Variants in TIAM1 observed in about 807,000 individuals in gnomAD.
TIAM1 encodes the protein TIAM Rac1 associated GEF 1.
In TIAM1, 65 loss-of-function variants were observed where a neutral mutation model predicts 163.5. The observed-to-expected ratio is 0.40, with a 90% CI of 0.33 to 0.49. The LOEUF (loss-of-function observed/expected upper bound fraction) is 0.49. Among genes scored for constraint, TIAM1 ranks in the 20% least tolerant of loss-of-function variants. The probability of loss-of-function intolerance (pLI) is 0.77; values close to 1 mark genes in which losing one functional copy is unlikely to be tolerated. For missense variants in TIAM1, 1,789 were observed against 2,044.7 expected (o/e 0.87, Z 2.41); for synonymous variants, 833 against 810.1 (o/e 1.03, Z -0.48).
chr21:31,320,245 C>T (rs1230780713), intron 2 of TIAM1, among the ~76,000 whole-genome samples: 2 of 152,012 alleles, frequency 1.3e-5, no homozygotes, highest in Admixed American at 1.3e-4. Context: ...GACGAGGTAC[C>T]TGGAATAGGC....
At chr21:31,341,026 C>A (rs1004837065) in intron 1 of TIAM1, among the ~76,000 whole-genome samples, 1 of 152,098 alleles carries the variant, frequency 6.6e-6, no homozygotes, top group Non-Finnish European at 1.5e-5. Flanking sequence ...TTTTATTCTA[C>A]GGCAGTAACT....
At position 31,118,458 on chromosome 21, in the gene TIAM1, G is replaced by A. The variant is rs545941381; in HGVS notation, c.*1910C>T. Reference sequence around the variant, plus strand: ...TTATTGTTTGACAAGCATTTACAACGTTCCATTCATAGACCTAAAAACATA... The same window carrying A: ...TTATTGTTTGACAAGCATTTACAACATTCCATTCATAGACCTAAAAACATA... On this transcript the variant is annotated 3_prime_UTR_variant, in exon 28 of 28. Coordinates refer to ENST00000541036, the MANE Select transcript of TIAM1 (RefSeq NM_001353694.2). The A allele has an allele frequency of 5.1e-6, 2 of 394,200 alleles. No individual in the cohort carries two copies. The highest frequency in any genetic ancestry group is 2.0e-5 in the South Asian group (1 of 50,488). The allele number at this position is 394,200 out of a possible 1,614,324, so 24.4% of individuals were successfully genotyped here. A position where few individuals can be genotyped will look rare whatever the true frequency, so the allele number is the denominator to read the frequency against.
At chr21:31,486,030 T>C (rs891860294) in intron 1 of TIAM1, among the ~76,000 whole-genome samples, 3 of 152,170 alleles carry the variant, frequency 2.0e-5, no homozygotes, top group Non-Finnish European at 4.4e-5. Context: ...TGCTCCCCTG[T>C]GGGCTCAGAA....
At chr21:31,265,851 A>G (rs1360663692) in intron 4 of TIAM1, among the ~76,000 whole-genome samples, 159 bp downstream of exon 4, 3 of 152,170 alleles carry the variant, frequency 2.0e-5, no homozygotes, top group Admixed American at 1.3e-4. Flanking sequence ...GCAAAGCAGA[A>G]GAGAGAGAAA....
intron 13 of TIAM1, among the ~76,000 whole-genome samples, chr21:31,192,377 G>A (rs2085606374): frequency 6.6e-6 from 1 of 152,168 alleles, no homozygotes; most frequent in African/African-American, 2.4e-5. Flanking sequence ...CAGCACTTTG[G>A]GAGGCCGAGG....
intron 12 of TIAM1, among the ~76,000 whole-genome samples, chr21:31,200,228 T>G (rs1366010386): frequency 2.0e-5 from 3 of 152,034 alleles, no homozygotes; most frequent in Admixed American, 6.6e-5. Flanking sequence ...TCCCAGCTAC[T>G]TGGGAGGCTG....
chr21:31,305,354 G>C (rs957646241), intron 2 of TIAM1, among the ~76,000 whole-genome samples: 4 of 151,778 alleles, frequency 2.6e-5, no homozygotes, highest in African/African-American at 4.8e-5. Flanking sequence ...TGGATCTCAG[G>C]ACTCAGCAGC....
At chr21:31,423,700 T>TAAAAAAAA (rs200137644) in intron 2 of TIAM1, among the ~76,000 whole-genome samples, 29 of 48,228 alleles carry the variant, frequency 6.0e-4, no homozygotes, top group African/African-American at 2.3e-3. Flanking sequence ...TAGAAAGTTG[T>TAAAAAAAA]AAAAAAAAAA....
intron 4 of TIAM1, among the ~76,000 whole-genome samples, chr21:31,254,265 C>G (rs962471679): frequency 6.6e-6 from 1 of 152,230 alleles, no homozygotes; most frequent in Non-Finnish European, 1.5e-5. Context: ...GATTGACAGC[C>G]TGCGGCTTAG....
intron 6 of TIAM1, among the ~76,000 whole-genome samples, chr21:31,228,079 T>A (rs80207084): frequency 3.3e-5 from 3 of 90,196 alleles, no homozygotes; most frequent in African/African-American, 3.0e-4. Context: ...ATTTTTGTAT[T>A]TTTTTTTTTT....
chr21:31,170,761 G>A (rs907035544), intron 15 of TIAM1, among the ~76,000 whole-genome samples: 1 of 152,022 alleles, frequency 6.6e-6, no homozygotes, highest in Non-Finnish European at 1.5e-5. Flanking sequence ...CATCTGGCCA[G>A]GTATAGTGGC....
At chr21:31,537,928 T>C (rs746550583) in intron 1 of TIAM1, among the ~76,000 whole-genome samples, 3 of 152,280 alleles carry the variant, frequency 2.0e-5, no homozygotes, top group South Asian at 4.1e-4. Flanking sequence ...AAAAACAATG[T>C]TTTGGAAGTG....
intron 1 of TIAM1, among the ~76,000 whole-genome samples, chr21:31,469,755 C>G (rs1306706597): frequency 2.0e-5 from 3 of 151,864 alleles, no homozygotes; most frequent in Admixed American, 6.6e-5. Flanking sequence ...TGGTGTGAAC[C>G]CGGGAGGCAG....
chr21:31,122,308 G>T (rs192732782), intron 27 of TIAM1, among the ~76,000 whole-genome samples: 2 of 152,314 alleles, frequency 1.3e-5, no homozygotes, highest in Admixed American at 6.5e-5. Flanking sequence ...CTATTGAGAA[G>T]AGACAAAAAT....
chr21:31,362,789 C>T (rs9975344), intron 2 of TIAM1, among the ~76,000 whole-genome samples: 30,675 of 151,918 alleles, frequency 0.2, 3,197 homozygotes, highest in Middle Eastern at 0.32. Flanking sequence ...TAAAGCAATG[C>T]TAGTCCATCA....
chr21:31,523,530 G>C (rs1443138082), intron 1 of TIAM1, among the ~76,000 whole-genome samples: 1 of 152,210 alleles, frequency 6.6e-6, no homozygotes, highest in Non-Finnish European at 1.5e-5. Flanking sequence ...GATACAGCCT[G>C]AAGCCTCCAG....
At chr21:31,197,679 T>C (rs2085948209) in intron 12 of TIAM1, among the ~76,000 whole-genome samples, 1 of 152,108 alleles carries the variant, frequency 6.6e-6, no homozygotes, top group African/African-American at 2.4e-5. Context: ...GGATATTTCG[T>C]TTTCTTATGT....
intron 1 of TIAM1, among the ~76,000 whole-genome samples, chr21:31,482,158 TC>T (rs1203948366): frequency 1.1e-5 from 1 of 92,770 alleles, no homozygotes; most frequent in Non-Finnish European, 2.3e-5. Context: ...ATAACAAACA[TC>T]CTTTTTTTTT....
intron 25 of TIAM1, among the ~76,000 whole-genome samples, chr21:31,128,506 T>C (rs1035872814): frequency 6.6e-6 from 1 of 152,154 alleles, no homozygotes; most frequent in African/African-American, 2.4e-5. Context: ...AGAAATAAAC[T>C]TTCCCATTTG....
Sources: allele counts gnomAD v4.1 joint callset (sites outside exome capture counted in the v4.1 genomes callset), GRCh38; gene constraint gnomAD v4.1.1; transcripts MANE v1.5; gene names NCBI Gene and HGNC (gene_info 2026-07-23, HGNC 2026-07-21).